The following TCF12 variants were observed in gnomAD, a reference collection of about 807,000 sequenced individuals.
TCF12 encodes DNA-binding protein HTF4.
A neutral mutation model predicts 86.0 loss-of-function variants in TCF12; 45 were observed. The ratio of observed to expected loss-of-function variants is 0.52; its 90% CI spans 0.41 to 0.67. The LOEUF (loss-of-function observed/expected upper bound fraction) is 0.67. Among genes scored for constraint, TCF12 ranks in the 30% least tolerant of loss-of-function variants. The pLI is 0.00. For missense variants in TCF12, 881 were observed against 859.9 expected, an observed-to-expected ratio of 1.02 and a Z score of -0.31; for synonymous variants, 330 against 299.6, an observed-to-expected ratio of 1.10 and a Z score of -1.05.
At chr15:57,006,216 A>G (rs1348762608) in intron 3 of TCF12, among the ~76,000 whole-genome samples, 1 of 152,206 alleles carries the variant, frequency 6.6e-6, no homozygotes, top group African/African-American at 2.4e-5. Context: ...TTAAAATTCC[A>G]TGTTGAGATT....
At chr15:57,066,144 T>C (rs1475672391) in intron 4 of TCF12, among the ~76,000 whole-genome samples, 1 of 152,180 alleles carries the variant, frequency 6.6e-6, no homozygotes, top group Non-Finnish European at 1.5e-5. Flanking sequence ...TGGTTGTCTT[T>C]GAAGCCTCCC....
chr15:57,125,185 C>T (rs2051550617), intron 5 of TCF12, among the ~76,000 whole-genome samples: 1 of 152,160 alleles, frequency 6.6e-6, no homozygotes, highest in South Asian at 2.1e-4. Context: ...TGAAAAATTA[C>T]TTGGAACTTT....
At chr15:57,083,989 G>T (rs771973152) in intron 4 of TCF12, among the ~76,000 whole-genome samples, 105 of 152,166 alleles carry the variant, frequency 6.9e-4, no homozygotes, top group Non-Finnish European at 1.4e-3. Flanking sequence ...GTATTTTAAA[G>T]TTACTTTAAA....
At chr15:56,950,145 C>T (rs142798186) in intron 3 of TCF12, among the ~76,000 whole-genome samples, 63 of 152,318 alleles carry the variant, frequency 4.1e-4, no homozygotes, top group African/African-American at 1.5e-3. Flanking sequence ...CTCCTTCACA[C>T]TCCCATCCCT....
Position 57,272,945 on chromosome 15 carries a change from A to G in TCF12, c.1746-85A>G, listed in dbSNP as rs1244090974. On this transcript the variant is annotated intron_variant, in intron 18 of 20. Transcript: ENST00000333725. ...AGATTTATAGGTGGTTTTCATTTCCATCTTTACGCTTTATAATTGTGCACA... is the reference window on the plus strand; with the variant it reads ...AGATTTATAGGTGGTTTTCATTTCCGTCTTTACGCTTTATAATTGTGCACA... 16 of 1,286,808 alleles carry G rather than the reference A, an allele frequency of 1.2e-5. No homozygotes were observed. The African/African-American group carries it at 2.4e-4, about 19-fold the overall frequency. 79.7% of individuals were successfully genotyped at this position (1,286,808 alleles called of 1,614,324 possible). A position where few individuals can be genotyped will look rare whatever the true frequency, so the allele number is the denominator to read the frequency against.
chr15:57,142,118 A>T (rs1450846836), intron 5 of TCF12, among the ~76,000 whole-genome samples: 3 of 152,216 alleles, frequency 2.0e-5, no homozygotes, highest in African/African-American at 7.2e-5. Flanking sequence ...AGAAGGGTGC[A>T]GGATGCAGCA....
chr15:56,977,666 G>C (rs1211568984), intron 3 of TCF12, among the ~76,000 whole-genome samples: 1 of 152,098 alleles, frequency 6.6e-6, no homozygotes, highest in East Asian at 1.9e-4. Context: ...TTTGAATCCA[G>C]TATTTTTGAG....
intron 3 of TCF12, among the ~76,000 whole-genome samples, chr15:56,952,175 C>CT (rs1194648186): frequency 3.1e-5 from 2 of 64,478 alleles, no homozygotes; most frequent in South Asian, 7.1e-4. Flanking sequence ...ATAAAAAAGG[C>CT]TTTTTTGTGT....
chr15:57,136,511 C>G (rs1236958844), intron 5 of TCF12, among the ~76,000 whole-genome samples: 4 of 152,152 alleles, frequency 2.6e-5, no homozygotes, highest in South Asian at 4.1e-4. Context: ...TTTCTTATTT[C>G]TACATTCCAA....
chr15:57,253,064 C>CT (rs2060192424), intron 15 of TCF12, among the ~76,000 whole-genome samples, 198 bp from the exon 16 acceptor site: 1 of 151,350 alleles, frequency 6.6e-6, no homozygotes. Flanking sequence ...GTTTCTGAAG[C>CT]TTTGAAAATT....
At chr15:57,056,361 C>T (rs1051253863) in intron 3 of TCF12, among the ~76,000 whole-genome samples, 4 of 152,110 alleles carry the variant, frequency 2.6e-5, no homozygotes, top group African/African-American at 7.2e-5. Context: ...AATCTGGTCT[C>T]GAACTCCTGA....
At chr15:57,022,210 C>T (rs960181981) in intron 3 of TCF12, among the ~76,000 whole-genome samples, 2 of 152,040 alleles carry the variant, frequency 1.3e-5, no homozygotes, top group African/African-American at 4.8e-5. Context: ...AATGCTGTCC[C>T]TCCCCCAGCT....
intron 3 of TCF12, among the ~76,000 whole-genome samples, chr15:56,998,187 T>G (rs1157496186): frequency 2.0e-5 from 3 of 152,190 alleles, no homozygotes; most frequent in African/African-American, 4.8e-5. Flanking sequence ...CTGGGCGTTG[T>G]AGCTCATGCC....
chr15:57,204,303 T>C (rs945223879), intron 8 of TCF12, among the ~76,000 whole-genome samples: 9 of 152,032 alleles, frequency 5.9e-5, no homozygotes, highest in African/African-American at 1.9e-4. Context: ...TTTAAAAAAC[T>C]GTCCAGGTAT....
At chr15:56,984,841 C>T (rs1447619046) in intron 3 of TCF12, among the ~76,000 whole-genome samples, 2 of 152,098 alleles carry the variant, frequency 1.3e-5, no homozygotes, top group Non-Finnish European at 2.9e-5. Flanking sequence ...TGAAAAGTCC[C>T]ATAAGATCTC....
At chr15:56,969,209 A>T (rs2062163308) in intron 3 of TCF12, among the ~76,000 whole-genome samples, 1 of 152,226 alleles carries the variant, frequency 6.6e-6, no homozygotes, top group Non-Finnish European at 1.5e-5. Flanking sequence ...CACAGCTCCC[A>T]GCCTGACTTT....
chr15:57,053,463 A>G (rs1213272365), intron 3 of TCF12, among the ~76,000 whole-genome samples: 1 of 152,120 alleles, frequency 6.6e-6, no homozygotes, highest in Non-Finnish European at 1.5e-5. Flanking sequence ...GTAGCTTTTT[A>G]GATTAATGTA....
intron 3 of TCF12, among the ~76,000 whole-genome samples, chr15:57,039,304 A>G (rs572225046): frequency 2.6e-5 from 4 of 152,068 alleles, no homozygotes; most frequent in African/African-American, 4.8e-5. Context: ...TTTTTCTTAC[A>G]TATCTGTTCA....
chr15:57,122,297 A>G (rs2169467), intron 5 of TCF12, among the ~76,000 whole-genome samples: 35,652 of 151,852 alleles, frequency 0.23, 4,779 homozygotes, highest in East Asian at 0.4. Context: ...GGAGAGATGC[A>G]TGTTTGATTT....
Sources: gnomAD v4.1 joint callset for allele counts (sites outside exome capture counted in the v4.1 genomes callset) on GRCh38, gnomAD v4.1.1 for gene constraint, MANE v1.5 for transcripts, NCBI Gene and HGNC (gene_info 2026-07-23, HGNC 2026-07-21) for gene names.